The following KRTAP13-4 variants were observed in gnomAD, a reference collection of about 807,000 sequenced individuals.
KRTAP13-4 encodes the protein keratin associated protein 13-4, also known as keratin-associated protein 13-4.
For synonymous variants in KRTAP13-4, 80 were observed against 77.2 expected (o/e 1.04, Z -0.19); for missense variants, 198 against 189.6 (o/e 1.04, Z -0.26).
exon 1 of KRTAP13-4, chr21:30,430,496 G>T (rs1001221458): frequency 4.3e-6 from 7 of 1,614,072 alleles, no homozygotes; most frequent in Non-Finnish European, 5.9e-6. Flanking sequence ...TCCATCCTCT[G>T]CTGTCCCTGT....
chr21:30,430,267 C>G, exon 1 of KRTAP13-4: 1 of 1,591,414 alleles, frequency 6.3e-7, no homozygotes, highest in Non-Finnish European at 8.6e-7. Flanking sequence ...ACTCCCATCT[C>G]TCATCAGCAT....
chr21:30,430,437 CT>C, the KRTAP13-4 span: 1 of 1,614,050 alleles, frequency 6.2e-7, no homozygotes, highest in Non-Finnish European at 8.5e-7. Context: ...GTCAGAAGAC[CT>C]GCTGGGAGCC....
At chr21:30,430,656 C>A in the KRTAP13-4 span, 1 of 1,614,158 alleles carries the variant, frequency 6.2e-7, no homozygotes, top group South Asian at 1.1e-5. Context: ...CCCTGAGTTA[C>A]GGATCCAGAT....
exon 1 of KRTAP13-4, chr21:30,430,369 A>G: frequency 6.2e-7 from 1 of 1,614,186 alleles, no homozygotes; most frequent in African/African-American, 1.3e-5. Flanking sequence ...CCTGGTCTAC[A>G]GCACTGCCCT....
At chr21:30,430,874 C>A in exon 1 of KRTAP13-4, 1 of 1,231,406 alleles carries the variant, frequency 8.1e-7, no homozygotes, top group Non-Finnish European at 1.1e-6. Context: ...TCTTGCATGA[C>A]CAACTTCTGG....
chr21:30,430,707 T>C, exon 1 of KRTAP13-4: 1 of 1,614,180 alleles, frequency 6.2e-7, no homozygotes, highest in Non-Finnish European at 8.5e-7. Flanking sequence ...CCTGGCAGTC[T>C]TCTTGTTACA....
exon 1 of KRTAP13-4, chr21:30,430,858 C>G: frequency 7.0e-7 from 1 of 1,422,470 alleles, no homozygotes; most frequent in African/African-American, 1.4e-5. Flanking sequence ...TCTTCCACCA[C>G]CAGCTTCTTG....
exon 1 of KRTAP13-4, chr21:30,430,355 G>A (rs1984417521): frequency 6.2e-7 from 1 of 1,614,062 alleles, no homozygotes; most frequent in Admixed American, 1.7e-5. Flanking sequence ...TCCTACCCCA[G>A]CAGCCTGGTC....
At chr21:30,430,591 G>A (rs930779619) in exon 1 of KRTAP13-4, 2 of 1,614,046 alleles carry the variant, frequency 1.2e-6, no homozygotes, top group African/African-American at 2.7e-5. Context: ...CTACTCGCTG[G>A]GAAATGGATC....
At chr21:30,430,406 G>C (rs139303515) in exon 1 of KRTAP13-4, 48 of 1,614,010 alleles carry the variant, frequency 3.0e-5, no homozygotes, top group African/African-American at 8.0e-5. Context: ...TGCCAGCTGC[G>C]TTCCTCTCTC....
At chr21:30,430,526 C>T (rs1373092036) in exon 1 of KRTAP13-4, 6 of 1,614,084 alleles carry the variant, frequency 3.7e-6, no homozygotes, top group Non-Finnish European at 5.1e-6. Context: ...TGCTCTGGAT[C>T]TCTAGGCTTT....
exon 1 of KRTAP13-4, chr21:30,430,625 A>G (rs1200370511): frequency 6.2e-7 from 1 of 1,614,158 alleles, no homozygotes; most frequent in South Asian, 1.1e-5. Context: ...TTCCTGAAAT[A>G]TGGAGGCTGT....
At chr21:30,430,390 A>G (rs1984419147) in exon 1 of KRTAP13-4, 1 of 1,614,024 alleles carries the variant, frequency 6.2e-7, no homozygotes, top group Non-Finnish European at 8.5e-7. Context: ...CTGCTCTCCC[A>G]GCACCTGCCA....
exon 1 of KRTAP13-4, chr21:30,431,010 G>C (rs191278527): frequency 3.6e-5 from 13 of 361,318 alleles, no homozygotes; most frequent in Non-Finnish European, 5.2e-5. Flanking sequence ...ATAAATGTAT[G>C]TAATCTGGTA....
exon 1 of KRTAP13-4, chr21:30,430,448 C>T (rs553113963): frequency 1.2e-6 from 2 of 1,613,888 alleles, no homozygotes; most frequent in Admixed American, 3.3e-5. Context: ...TGCTGGGAGC[C>T]CGCCAGCTGC....
exon 1 of KRTAP13-4, chr21:30,430,504 T>A (rs892887358): frequency 6.2e-7 from 1 of 1,614,108 alleles, no homozygotes; most frequent in African/African-American, 1.3e-5. Context: ...CTGCTGTCCC[T>A]GTCAGACGAC....
At chr21:30,430,501 C>T (rs375241455) in exon 1 of KRTAP13-4, 4 of 1,614,174 alleles carry the variant, frequency 2.5e-6, no homozygotes, top group Admixed American at 1.7e-5. Context: ...CCTCTGCTGT[C>T]CCTGTCAGAC....
At chr21:30,430,483 A>G (rs937250454) in exon 1 of KRTAP13-4, 6 of 1,613,612 alleles carry the variant, frequency 3.7e-6, no homozygotes, top group Non-Finnish European at 5.1e-6. Context: ...CCGCCCCAGG[A>G]CCTCCATCCT....
exon 1 of KRTAP13-4, chr21:30,430,682 A>C: frequency 1.1e-5 from 17 of 1,614,078 alleles, no homozygotes; most frequent in Non-Finnish European, 1.4e-5. Flanking sequence ...TACCCAAACT[A>C]CTTGGCTTCT....
Sources: allele counts gnomAD v4.1 joint callset, GRCh38; gene constraint gnomAD v4.1.1; transcripts MANE v1.5; gene names NCBI Gene and HGNC (gene_info 2026-07-23, HGNC 2026-07-21).